CCDC110: variants seen among roughly 807,000 people sequenced by gnomAD.
The protein encoded by CCDC110 is coiled-coil domain-containing protein 110.
CCDC110 carries 70 observed loss-of-function variants against 77.1 expected under a neutral mutation model. The ratio of observed to expected loss-of-function variants is 0.91; its 90% CI spans 0.75 to 1.11. CCDC110 has a LOEUF of 1.11. Among genes scored for constraint, CCDC110 ranks in the 50% least tolerant of loss-of-function variants. CCDC110 has a pLI of 0.00. For missense variants in CCDC110, 868 were observed against 942.9 expected (o/e 0.92, Z 1.04); for synonymous variants, 295 against 312.5 (o/e 0.94, Z 0.59).
intron 6 of CCDC110, among the ~76,000 whole-genome samples, chr4:185,448,623 G>T (rs1009109333): frequency 6.6e-6 from 1 of 152,148 alleles, no homozygotes; most frequent in African/African-American, 2.4e-5. Context: ...GGGCTAGTTG[G>T]TAAAGTTGGT....
At position 185,458,812 on chromosome 4, in the gene CCDC110, G is replaced by T. The variant is rs747594564; in HGVS notation, c.1775C>A (p.Thr592Lys). The change falls in exon 6 of 7, where the codon ACA becomes AAA. Residue 592 changes from threonine (T) to lysine (K), a missense_variant. Transcript: ENST00000307588. The stretch of plus-strand genomic sequence containing the variant: ...GCTTTTTTCTTTTAGAAGCTGGTGT[G>T]TTTTTTTCTCTAACATTTCTTTTTC... ...QDEKEMLEKK[T>K]HQLLKEKSSL... 6.2e-6 allele frequency: 10 copies of T among 1,606,506 alleles called. No individual in the cohort carries two copies. The highest frequency in any genetic ancestry group is 7.6e-6 in the Non-Finnish European group (9 of 1,177,752).
chr4:185,461,594 C>G (rs774072676), intron 4 of CCDC110, among the ~76,000 whole-genome samples: 9 of 152,174 alleles, frequency 5.9e-5, no homozygotes, highest in Admixed American at 2.6e-4. Flanking sequence ...AATATCTATA[C>G]TCTAGACTTC....
intron 3 of CCDC110, 111 bp from the exon 4 acceptor site, chr4:185,462,819 T>A: frequency 9.2e-7 from 1 of 1,081,742 alleles, no homozygotes; most frequent in Admixed American, 1.9e-5. Flanking sequence ...AAAGATCCCG[T>A]GAGGGTCAGG....
chr4:185,463,170 G>A (rs1041081130), intron 2 of CCDC110, 121 bp from the exon 3 acceptor site: 2 of 685,962 alleles, frequency 2.9e-6, no homozygotes, highest in African/African-American at 1.8e-5. Flanking sequence ...GAGAACTTCT[G>A]ATATTCACAC....
intron 6 of CCDC110, chr4:185,457,025 A>G (rs879818022): frequency 6.5e-5 from 16 of 246,268 alleles, no homozygotes; most frequent in Admixed American, 5.4e-4. Flanking sequence ...AATATTACCA[A>G]ATTGAATCCA....
intron 1 of CCDC110, 31 bp downstream of exon 1, chr4:185,471,643 C>T: frequency 6.4e-6 from 10 of 1,555,258 alleles, no homozygotes; most frequent in South Asian, 1.2e-5. Flanking sequence ...CCCGCGGCTC[C>T]CCTAGGAGCC....
chr4:185,452,161 C>T (rs1307230709), intron 6 of CCDC110: 11 of 977,348 alleles, frequency 1.1e-5, no homozygotes, highest in African/African-American at 7.0e-5. Flanking sequence ...TGTAACAATA[C>T]AAAACAGTTT....
chr4:185,446,777 GT>G (rs2095612939), intron 6 of CCDC110, among the ~76,000 whole-genome samples: 1 of 152,082 alleles, frequency 6.6e-6, no homozygotes, highest in Non-Finnish European at 1.5e-5. Flanking sequence ...TTTAAGATGT[GT>G]TTTCTATAAA....
intron 6 of CCDC110, among the ~76,000 whole-genome samples, chr4:185,455,740 G>A (rs776078426): frequency 6.6e-6 from 1 of 151,950 alleles, no homozygotes; most frequent in Admixed American, 6.6e-5. Context: ...AAAATTAGCC[G>A]GGCATGGTAG....
At chr4:185,456,151 T>A (rs989007358) in intron 6 of CCDC110, among the ~76,000 whole-genome samples, 10 of 19,034 alleles carry the variant, frequency 5.3e-4, no homozygotes, top group African/African-American at 9.2e-4. Flanking sequence ...TAAAAAAGAT[T>A]ATGTTCTCTG....
chr4:185,447,571 TG>T (rs1398451373), intron 6 of CCDC110, among the ~76,000 whole-genome samples: 5 of 152,240 alleles, frequency 3.3e-5, no homozygotes, highest in Admixed American at 3.3e-4. Flanking sequence ...CTTGAGCACT[TG>T]TATGTGTCAC....
Position 185,459,634 on chromosome 4 carries a change from A to C in CCDC110, c.953T>G (p.Leu318Ter). The change falls in exon 6 of 7, where the codon TTA becomes TGA. Residue 318 changes from leucine (L) to a stop codon, truncating the protein, a stop_gained. Transcript: ENST00000307588. LOFTEE classifies it high-confidence loss of function. ...KSKRISELEA[L>*]VKKLLPFRET... Reference sequence around the variant, plus strand: ...CCTGAAGGGGAGTAATTTCTTCACTAATGCCTCTAATTCTGAAATTCTCTT... The same window carrying C: ...CCTGAAGGGGAGTAATTTCTTCACTCATGCCTCTAATTCTGAAATTCTCTT... 1 of 1,612,124 alleles carries C rather than the reference A, an allele frequency of 6.2e-7. No homozygotes were observed. The highest frequency in any genetic ancestry group is 8.5e-7 in the Non-Finnish European group (1 of 1,179,376).
Position 185,459,640 on chromosome 4 carries a change from TCTA to T in CCDC110, c.944_946del (p.Leu315_Glu316delinsTer). 1 of 1,611,574 alleles carries T rather than the reference TCTA, an allele frequency of 6.2e-7. No individual in the cohort carries two copies. On this transcript the variant is annotated stop_gained and inframe_deletion, in exon 6 of 7. Transcript: ENST00000307588. LOFTEE classifies it high-confidence loss of function. ...GGGGAGTAATTTCTTCACTAATGCC[TCTA>T]ATTCTGAAATTCTCTTTGATTTTAT...
intron 6 of CCDC110, chr4:185,457,458 A>G (rs980051326): frequency 2.5e-5 from 9 of 355,708 alleles, no homozygotes; most frequent in Non-Finnish European, 4.2e-5. Flanking sequence ...TTGGACAACC[A>G]ATGCAAACAT....
chr4:185,457,985 T>G, intron 6 of CCDC110, 141 bp downstream of exon 6: 1 of 644,802 alleles, frequency 1.6e-6, no homozygotes, highest in Non-Finnish European at 2.4e-6. Flanking sequence ...ATAATTTCAC[T>G]GTATAATAAA....
chr4:185,450,931 T>C (rs539833917), intron 6 of CCDC110, among the ~76,000 whole-genome samples: 20 of 152,282 alleles, frequency 1.3e-4, no homozygotes, highest in African/African-American at 3.8e-4. Flanking sequence ...TGGTGTGATA[T>C]GGTTTTGCTG....
intron 6 of CCDC110, chr4:185,457,662 C>A: frequency 2.9e-6 from 2 of 686,670 alleles, no homozygotes; most frequent in Non-Finnish European, 2.2e-6. Context: ...ATTTTAAAAA[C>A]TAGTCTAATC....
Position 185,459,975 on chromosome 4 carries a change from T to G in CCDC110, c.612A>C (p.Leu204=). 6.2e-7 allele frequency: 1 copy of G among 1,613,624 alleles called. No homozygotes were observed. The highest frequency in any genetic ancestry group is 8.5e-7 in the Non-Finnish European group (1 of 1,179,712). The change falls in exon 6 of 7, where the codon CTA becomes CTC. Residue 204 remains leucine, a synonymous_variant. Transcript: ENST00000307588. ...ACATCACATTTGGAGGTGCAGTAGGTAGAAAACGATAAAAGTTATTATAAT... is the reference window on the plus strand; with the variant it reads ...ACATCACATTTGGAGGTGCAGTAGGGAGAAAACGATAAAAGTTATTATAAT... ...LKNYNNFYRF[L]PTAPPNVMSQ...
chr4:185,447,474 C>G (rs2095617097), intron 6 of CCDC110, among the ~76,000 whole-genome samples: 1 of 152,160 alleles, frequency 6.6e-6, no homozygotes, highest in Non-Finnish European at 1.5e-5. Context: ...TCCACCACGC[C>G]CGGCCGATTT....
Sources: gnomAD v4.1 joint callset for allele counts (sites outside exome capture counted in the v4.1 genomes callset) on GRCh38, gnomAD v4.1.1 for gene constraint, MANE v1.5 for transcripts, NCBI Gene and HGNC (gene_info 2026-07-23, HGNC 2026-07-21) for gene names.